Variants in NELL2 observed in about 807,000 individuals in gnomAD.
The protein encoded by NELL2 is neural EGFL like 2.
A neutral mutation model predicts 109.6 loss-of-function variants in NELL2; 41 were observed. That is an observed-to-expected ratio of 0.37 (90% CI 0.29 to 0.49). The LOEUF is 0.49. NELL2 is among the 20% of genes least tolerant of loss of function. The pLI is 0.98. For synonymous variants in NELL2, 355 were observed against 344.7 expected (o/e 1.03, Z -0.33); for missense variants, 900 against 1,008.3 (o/e 0.89, Z 1.45).
chr12:44,580,127 G>T (rs1443100862), intron 15 of NELL2, among the ~76,000 whole-genome samples: 3 of 152,020 alleles, frequency 2.0e-5, no homozygotes, highest in African/African-American at 7.2e-5. Context: ...CTCTCCAAAG[G>T]TCTACTTGAT....
At chr12:44,822,167 T>C (rs955430677) in intron 2 of NELL2, among the ~76,000 whole-genome samples, 1 of 152,150 alleles carries the variant, frequency 6.6e-6, no homozygotes. Flanking sequence ...GAACAAACTT[T>C]GAAGCCAGAA....
chr12:44,811,759 A>G (rs1943187468), intron 3 of NELL2, among the ~76,000 whole-genome samples: 1 of 152,066 alleles, frequency 6.6e-6, no homozygotes, highest in Non-Finnish European at 1.5e-5. Context: ...GAACAGACAT[A>G]AGGAAGAGAG....
At chr12:44,529,347 C>T (rs941043336) in intron 16 of NELL2, among the ~76,000 whole-genome samples, 11 of 152,216 alleles carry the variant, frequency 7.2e-5, no homozygotes, top group African/African-American at 2.4e-4. Context: ...GTTAAGGGAC[C>T]TGTAGGACTT....
intron 9 of NELL2, among the ~76,000 whole-genome samples, chr12:44,741,665 C>A (rs1205035515): frequency 1.3e-5 from 2 of 152,244 alleles, no homozygotes; most frequent in African/African-American, 4.8e-5. Context: ...TATCCCGCAT[C>A]TGGCTCGGAG....
intron 9 of NELL2, among the ~76,000 whole-genome samples, chr12:44,758,343 C>T (rs941996595): frequency 6.6e-6 from 1 of 152,184 alleles, no homozygotes; most frequent in African/African-American, 2.4e-5. Flanking sequence ...TTTCTAAATG[C>T]TATTCGCTGT....
At chr12:44,840,432 T>C (rs2136749216) in intron 2 of NELL2, among the ~76,000 whole-genome samples, 1 of 152,322 alleles carries the variant, frequency 6.6e-6, no homozygotes, top group Middle Eastern at 3.4e-3. Flanking sequence ...CTTTGAAGTT[T>C]ATTTGTACTT....
At chr12:44,771,444 T>G (rs990468939) in intron 9 of NELL2, among the ~76,000 whole-genome samples, 1 of 152,226 alleles carries the variant, frequency 6.6e-6, no homozygotes, top group African/African-American at 2.4e-5. Flanking sequence ...TGACTTGGAA[T>G]TCTCCTTATT....
At chr12:44,726,312 G>A (rs1939078227) in intron 9 of NELL2, among the ~76,000 whole-genome samples, 1 of 152,066 alleles carries the variant, frequency 6.6e-6, no homozygotes, top group Non-Finnish European at 1.5e-5. Flanking sequence ...TCCTTCAAAC[G>A]ACTTCATGAG....
chr12:44,810,957 C>G (rs897158793), intron 3 of NELL2, among the ~76,000 whole-genome samples: 1 of 151,938 alleles, frequency 6.6e-6, no homozygotes, highest in African/African-American at 2.4e-5. Flanking sequence ...AACATGTATA[C>G]ACATAAAATA....
chr12:44,801,025 T>C (rs1164256338), intron 3 of NELL2, among the ~76,000 whole-genome samples: 1 of 152,126 alleles, frequency 6.6e-6, no homozygotes, highest in Non-Finnish European at 1.5e-5. Context: ...ATTTTGATTG[T>C]AGTGAGCATA....
chr12:44,682,950 T>G (rs906450361), intron 12 of NELL2, among the ~76,000 whole-genome samples: 10 of 152,152 alleles, frequency 6.6e-5, no homozygotes, highest in East Asian at 3.9e-4. Flanking sequence ...TTCCAATTCT[T>G]TGAAGAAAGT....
At position 44,845,332 on chromosome 12, in the gene NELL2, G is replaced by C. The variant is rs538184342; in HGVS notation, c.185-29196C>G. On this transcript the variant is annotated intron_variant, in intron 2 of 19. Coordinates refer to ENST00000429094, the MANE Select transcript of NELL2 (RefSeq NM_001145108.2). ...CTGACTTAAAGTTCACCAAGCACAT[G>C]GAAGGGGACAGGAGTGGTGAACAGC... Among the ~76,000 whole-genome samples, 3 of 152,332 alleles carry C rather than the reference G, an allele frequency of 2.0e-5. No homozygotes were observed. In the East Asian group the frequency reaches 5.8e-4, roughly 29 times the overall value.
At chr12:44,603,715 C>T (rs4768561) in intron 15 of NELL2, among the ~76,000 whole-genome samples, 21 of 152,014 alleles carry the variant, frequency 1.4e-4, no homozygotes, top group African/African-American at 1.2e-4. Context: ...TCATACACAT[C>T]GCCCTTTTGT....
chr12:44,844,985 AT>A (rs1462009387), intron 2 of NELL2, among the ~76,000 whole-genome samples: 1 of 152,124 alleles, frequency 6.6e-6, no homozygotes, highest in Non-Finnish European at 1.5e-5. Context: ...CCTTGCTGAA[AT>A]TTTTTACATA....
intron 13 of NELL2, among the ~76,000 whole-genome samples, chr12:44,660,058 A>G (rs1206232923): frequency 6.6e-6 from 1 of 152,146 alleles, no homozygotes; most frequent in Non-Finnish European, 1.5e-5. Flanking sequence ...TTGATAGAAG[A>G]AAGGAGACAG....
intron 15 of NELL2, among the ~76,000 whole-genome samples, chr12:44,573,924 G>A (rs1943966626): frequency 6.6e-6 from 1 of 152,192 alleles, no homozygotes; most frequent in East Asian, 1.9e-4. Context: ...AGTTTGGCAT[G>A]GCTGGCATCT....
At chr12:44,712,248 A>G (rs928736797) in intron 10 of NELL2, among the ~76,000 whole-genome samples, 8 of 152,022 alleles carry the variant, frequency 5.3e-5, no homozygotes, top group Admixed American at 4.6e-4. Flanking sequence ...TGTAGATTGA[A>G]TTTCTGCAAG....
At chr12:44,813,767 C>T (rs1943250133) in intron 3 of NELL2, among the ~76,000 whole-genome samples, 1 of 152,008 alleles carries the variant, frequency 6.6e-6, no homozygotes. Context: ...ATTTTTTCTA[C>T]AACGAAAACA....
At chr12:44,662,819 T>C (rs1052551722) in intron 13 of NELL2, among the ~76,000 whole-genome samples, 2 of 152,214 alleles carry the variant, frequency 1.3e-5, no homozygotes, top group African/African-American at 4.8e-5. Context: ...TGGGAGTATC[T>C]GTTGTTCTGT....
Sources: allele counts gnomAD v4.1 joint callset (sites outside exome capture counted in the v4.1 genomes callset), GRCh38; gene constraint gnomAD v4.1.1; transcripts MANE v1.5; gene names NCBI Gene and HGNC (gene_info 2026-07-23, HGNC 2026-07-21).